Variants in PPARGC1A observed in about 807,000 individuals in gnomAD.
The protein encoded by PPARGC1A is PPARG coactivator 1 alpha, also known as peroxisome proliferator-activated receptor gamma coactivator 1-alpha.
PPARGC1A carries 25 observed loss-of-function variants against 88.7 expected under a neutral mutation model. That is an observed-to-expected ratio of 0.28 (90% CI 0.21 to 0.39). The LOEUF is 0.39. PPARGC1A is among the 10% of genes least tolerant of loss of function. The pLI is 1.00. For synonymous variants in PPARGC1A, 363 were observed against 355.6 expected (o/e 1.02, Z -0.24); for missense variants, 880 against 968.7 (o/e 0.91, Z 1.22).
At chr4:24,452,564 C>G in the PPARGC1A span, among the ~76,000 whole-genome samples, 2 of 152,340 alleles carry the variant, frequency 1.3e-5, no homozygotes, top group South Asian at 4.1e-4. Context: ...ATTCACCACT[C>G]TTTTCTAAAC....
chr4:23,814,665 T>C (rs1211189806), intron 7 of PPARGC1A, 60 bp from the exon 8 acceptor site: 1 of 1,358,052 alleles, frequency 7.4e-7, no homozygotes, highest in Non-Finnish European at 9.8e-7. Context: ...ACAGAGATAA[T>C]GTTCTTAAAT....
At chr4:24,047,659 G>A in the PPARGC1A span, among the ~76,000 whole-genome samples, 785 of 152,240 alleles carry the variant, frequency 5.2e-3, 31 homozygotes, top group East Asian at 0.087. Flanking sequence ...AGTTGTTCAC[G>A]AAGCAACAAA....
At chr4:23,862,794 G>A (rs1176315513) in intron 2 of PPARGC1A, among the ~76,000 whole-genome samples, 1 of 152,062 alleles carries the variant, frequency 6.6e-6, no homozygotes, top group Admixed American at 6.6e-5. Flanking sequence ...TACTATGTGG[G>A]GCAAAAGGGG....
the PPARGC1A span, among the ~76,000 whole-genome samples, chr4:24,204,588 C>A: frequency 6.6e-6 from 1 of 152,020 alleles, no homozygotes; most frequent in Non-Finnish European, 1.5e-5. Flanking sequence ...ATCCACATAA[C>A]CCTGAGAAAG....
At chr4:24,379,251 G>C in the PPARGC1A span, among the ~76,000 whole-genome samples, 10 of 152,294 alleles carry the variant, frequency 6.6e-5, no homozygotes, top group African/African-American at 2.4e-4. Context: ...GTAGAGAGTA[G>C]AATAACAAAT....
the PPARGC1A span, among the ~76,000 whole-genome samples, chr4:24,357,600 T>A: frequency 6.6e-5 from 10 of 152,338 alleles, 1 homozygote; most frequent in African/African-American, 2.4e-4. Context: ...ATCATGCCTG[T>A]TCGATATGGT....
At chr4:24,076,695 T>G in the PPARGC1A span, among the ~76,000 whole-genome samples, 1 of 152,150 alleles carries the variant, frequency 6.6e-6, no homozygotes, top group Admixed American at 6.5e-5. Flanking sequence ...CATTTCCTTG[T>G]TTGCAAATTA....
the PPARGC1A span, among the ~76,000 whole-genome samples, chr4:24,076,605 G>T: frequency 1.3e-5 from 2 of 152,118 alleles, no homozygotes; most frequent in Non-Finnish European, 2.9e-5. Context: ...AGCCTGGGGG[G>T]CTGGACAGCT....
At chr4:24,380,841 G>A in the PPARGC1A span, among the ~76,000 whole-genome samples, 2 of 152,028 alleles carry the variant, frequency 1.3e-5, no homozygotes, top group Admixed American at 1.3e-4. Context: ...AGTGGATCTG[G>A]GCAAAAAGCC....
chr4:23,829,409 C>T, intron 4 of PPARGC1A, 54 bp downstream of exon 4: 9 of 1,588,930 alleles, frequency 5.7e-6, no homozygotes, highest in Non-Finnish European at 6.9e-6. Context: ...TTTACTGCTT[C>T]AAGCCAAAAT....
the PPARGC1A span, among the ~76,000 whole-genome samples, chr4:24,438,063 C>G: frequency 6.6e-6 from 1 of 152,078 alleles, no homozygotes; most frequent in African/African-American, 2.4e-5. Context: ...AGGGACAGAT[C>G]CAGCAAGAGG....
Position 23,813,944 on chromosome 4 carries a change from G to T in PPARGC1A, c.1539C>A (p.Asp513Glu). The T allele has an allele frequency of 6.2e-7, 1 of 1,614,052 alleles. No homozygotes were observed. Among genetic ancestry groups the T allele is most frequent in the East Asian group, 2.2e-5 (1 of 44,866 alleles). Residue 513 changes from aspartate to glutamate, a missense_variant, in exon 8 of 13, where the codon GAC (aspartate) becomes GAA (glutamate). By Grantham distance (45) the Asp-to-Glu change is conservative (BLOSUM62 2). Coordinates refer to ENST00000264867, the MANE Select transcript of PPARGC1A (RefSeq NM_013261.5). ...SGLAMDGLFD[D>E]SEDESDKLSY... ...TCAGTTTATCACTTTCATCTTCGCT[G>T]TCATCAAACAGGCCATCCATGGCTA...
the PPARGC1A span, among the ~76,000 whole-genome samples, chr4:24,387,766 GAGAAAGAA>G: frequency 1.4e-3 from 71 of 52,020 alleles, 1 homozygote; most frequent in African/African-American, 2.9e-3. Context: ...GAGAGAGAGA[GAGAAAGAA>G]AGAAAGAAAG....
the PPARGC1A span, among the ~76,000 whole-genome samples, chr4:24,389,672 T>A: frequency 1.3e-5 from 2 of 152,186 alleles, no homozygotes; most frequent in Non-Finnish European, 2.9e-5. Context: ...TGACTATTAA[T>A]AATGATAACA....
the PPARGC1A span, among the ~76,000 whole-genome samples, chr4:23,959,509 T>C: frequency 2.0e-5 from 3 of 152,042 alleles, no homozygotes; most frequent in African/African-American, 7.2e-5. Flanking sequence ...TAAGAGTAAT[T>C]AGAAGTAAAA....
chr4:24,416,384 C>A, the PPARGC1A span, among the ~76,000 whole-genome samples: 1 of 152,004 alleles, frequency 6.6e-6, no homozygotes, highest in African/African-American at 2.4e-5. Context: ...ATGAATTTGC[C>A]AGGGAGAAAA....
chr4:24,153,081 A>G, the PPARGC1A span, among the ~76,000 whole-genome samples: 1 of 152,198 alleles, frequency 6.6e-6, no homozygotes, highest in Non-Finnish European at 1.5e-5. Flanking sequence ...GATTTCAGAC[A>G]GGCACTTTGA....
chr4:24,168,883 T>C, the PPARGC1A span, among the ~76,000 whole-genome samples: 8 of 152,224 alleles, frequency 5.3e-5, no homozygotes, highest in African/African-American at 1.9e-4. Context: ...AAAGAATTTA[T>C]CTAAATATGC....
the PPARGC1A span, among the ~76,000 whole-genome samples, chr4:24,424,723 G>T: frequency 6.6e-6 from 1 of 152,142 alleles, no homozygotes; most frequent in South Asian, 2.1e-4. Context: ...AGCATAATTT[G>T]AGCATCATCT....
Sources: gnomAD v4.1 joint callset for allele counts (sites outside exome capture counted in the v4.1 genomes callset) on GRCh38, gnomAD v4.1.1 for gene constraint, MANE v1.5 for transcripts, NCBI Gene and HGNC (gene_info 2026-07-23, HGNC 2026-07-21) for gene names.